The following SHLD2 variants were observed in gnomAD, a reference collection of about 807,000 sequenced individuals.
SHLD2 encodes the protein RINN1-REV7-interacting novel NHEJ regulator 2.
In SHLD2, 30 loss-of-function variants were observed where a neutral mutation model predicts 73.2. The ratio of observed to expected loss-of-function variants is 0.41; its 90% confidence interval spans 0.31 to 0.56. The LOEUF is 0.56. Among genes scored for constraint, SHLD2 ranks in the 20% least tolerant of loss-of-function variants. The pLI, the probability that SHLD2 is intolerant of heterozygous loss-of-function variation, is 0.28. For synonymous variants in SHLD2, 285 were observed against 370.1 expected, an observed-to-expected ratio of 0.77 and a Z score of 2.64; for missense variants, 745 against 1,055.9, an observed-to-expected ratio of 0.71 and a Z score of 4.08.
intron 4 of SHLD2, among the ~76,000 whole-genome samples, chr10:87,167,225 A>G (rs977484969): frequency 1.3e-5 from 2 of 152,208 alleles, no homozygotes; most frequent in Non-Finnish European, 2.9e-5. Context: ...TGAATCCCCT[A>G]GAGAGTTTCA....
At position 87,175,983 on chromosome 10, in the gene SHLD2, C is replaced by T; in HGVS notation, c.2058C>T (p.Cys686=). 4 of 1,550,060 alleles carry T rather than the reference C, an allele frequency of 2.6e-6. No homozygotes were observed. Among genetic ancestry groups the T allele is most frequent in the Non-Finnish European group, 3.5e-6 (4 of 1,146,858 alleles). The stretch of plus-strand genomic sequence containing the variant: ...CAACGCCTTGGTCATCCTGTGAGTG[C>T]TTGTTTGATGATGATATAAGGGCAA... ...LHTTPWSSCE[C]LFDDDIRAIT... The change falls in exon 7 of 10, where the codon TGC becomes TGT. Residue 686 remains cysteine (C), a synonymous_variant. Coordinates refer to ENST00000298786, the MANE Select transcript of SHLD2 (RefSeq NM_001330112.2).
rs1849008860 is a variant in SHLD2, at chr10:87,190,586, T to C, written c.2618T>C (p.Phe873Ser). 1.2e-6 allele frequency: 2 copies of C among 1,611,986 alleles called. No homozygotes were observed. The highest frequency in any genetic ancestry group is 1.7e-6 in the Non-Finnish European group (2 of 1,179,828). ...EPCVLKIQSL[F>S]VLDENSYPLQ... ...TGTGTATTAAAGATTCAGAGCCTTT[T>C]TGTGTTAGATGAAAACAGCTATCCA... is the stretch of plus-strand genomic sequence containing the variant. Residue 873 changes from phenylalanine to serine, a missense_variant, in exon 10 of 10, where the codon TTT (phenylalanine) becomes TCT (serine). Around this residue, in one of 5 missense-constraint regions of SHLD2, gnomAD observed 418 missense variants for 567.8 expected, o/e 0.74. Transcript: ENST00000298786.
At chr10:87,112,729 C>T (rs1437096418) in intron 2 of SHLD2, among the ~76,000 whole-genome samples, 1 of 144,968 alleles carries the variant, frequency 6.9e-6, no homozygotes, top group East Asian at 2.0e-4. Context: ...AAAAAAAAAA[C>T]CCAAAAAACA....
At chr10:87,100,799 A>C (rs1468765502) in intron 2 of SHLD2, among the ~76,000 whole-genome samples, 1 of 152,108 alleles carries the variant, frequency 6.6e-6, no homozygotes, top group Non-Finnish European at 1.5e-5. Flanking sequence ...CTTTGTAGTA[A>C]ATTTTGAAAT....
At chr10:87,098,936 C>A (rs947609901) in intron 2 of SHLD2, among the ~76,000 whole-genome samples, 3 of 152,082 alleles carry the variant, frequency 2.0e-5, no homozygotes, top group Non-Finnish European at 2.9e-5. Flanking sequence ...CCGCCACTCC[C>A]GGCTAACTTT....
chr10:87,135,807 T>C (rs1019827661), intron 2 of SHLD2, among the ~76,000 whole-genome samples: 1 of 151,982 alleles, frequency 6.6e-6, no homozygotes, highest in Non-Finnish European at 1.5e-5. Flanking sequence ...GGCAGTACCA[T>C]TTTCATCACA....
At position 87,110,942 on chromosome 10, in the gene SHLD2, C is replaced by T. The variant is rs375427673; in HGVS notation, c.-6+13953C>T. The stretch of plus-strand genomic sequence containing the variant: ...CACTGCAACCTCTGCCTCCCGGGTT[C>T]AAGCGATTCTCCTGCCTCAGTCTCC... On this transcript the variant is annotated intron_variant, in intron 2 of 9. Transcript: ENST00000298786. Among the ~76,000 whole-genome samples the T allele has an allele frequency of 5.9e-5, 9 of 151,292 alleles. No homozygotes were observed. In the South Asian group the frequency reaches 1.0e-3, roughly 18 times the overall value.
Position 87,187,160 on chromosome 10 carries a change from T to G in SHLD2, c.2475T>G (p.Ile825Met). Reference sequence around the variant, plus strand: ...TAGAATCAAAGCTGATAGAGAAGATTCTTCTCAACATTTCTGCAGACTGCC... The same window carrying G: ...TAGAATCAAAGCTGATAGAGAAGATGCTTCTCAACATTTCTGCAGACTGCC... ...IRVESKLIEK[I>M]LLNISADCLN... The change falls in exon 9 of 10, where the codon ATT (isoleucine) becomes ATG (methionine). Residue 825 changes from isoleucine to methionine, a missense_variant. Ile to Met is a conservative substitution (Grantham distance 10). Coordinates refer to ENST00000298786, the MANE Select transcript of SHLD2 (RefSeq NM_001330112.2). 1 of 1,613,066 alleles carries G rather than the reference T, an allele frequency of 6.2e-7. No individual in the cohort carries two copies. The highest frequency in any genetic ancestry group is 1.3e-5 in the African/African-American group (1 of 75,010).
At chr10:87,155,833 T>C (rs1052603870) in intron 3 of SHLD2, among the ~76,000 whole-genome samples, 1 of 152,212 alleles carries the variant, frequency 6.6e-6, no homozygotes, top group African/African-American at 2.4e-5. Context: ...ATAAGACATT[T>C]AGATGATTTC....
chr10:87,175,642 T>C (rs1054746769), intron 6 of SHLD2, among the ~76,000 whole-genome samples: 7 of 151,680 alleles, frequency 4.6e-5, no homozygotes, highest in African/African-American at 1.7e-4. Flanking sequence ...CGAGATCACA[T>C]CACTGCTCTC....
At position 87,176,075 on chromosome 10, in the gene SHLD2, A is replaced by G; in HGVS notation, c.2150A>G (p.His717Arg). The G allele has an allele frequency of 6.5e-7, 1 of 1,548,366 alleles. No individual in the cohort carries two copies. The highest frequency in any genetic ancestry group is 8.7e-7 in the Non-Finnish European group (1 of 1,146,814). ...SFVKISDLAT[H>R]LEDKCSGVVL... Reference sequence around the variant, plus strand: ...GTGAAGATATCAGACTTAGCAACCCACCTAGAGGATAAGTGTTCAGGTAAG... The same window carrying G: ...GTGAAGATATCAGACTTAGCAACCCGCCTAGAGGATAAGTGTTCAGGTAAG... The change falls in exon 7 of 10, where the codon CAC becomes CGC. Residue 717 changes from histidine to arginine, a missense_variant. Around this residue, in one of 5 missense-constraint regions of SHLD2, gnomAD observed 418 missense variants for 567.8 expected, o/e 0.74. Transcript: ENST00000298786.
chr10:87,158,047 G>C lies in SHLD2; in HGVS notation c.1526-1G>C, dbSNP rs1846557815. 1 of 1,610,796 alleles carries C rather than the reference G, an allele frequency of 6.2e-7. No individual in the cohort carries two copies. The highest frequency in any genetic ancestry group is 8.5e-7 in the Non-Finnish European group (1 of 1,179,182). ...GATCAGAACGTTTTTTCTCTCTCTA[G>C]ATGTTGTTATTCATGAGGACCAATG... On this transcript the variant is annotated splice_acceptor_variant, in intron 3 of 9. Coordinates refer to ENST00000298786, the MANE Select transcript of SHLD2 (RefSeq NM_001330112.2). LOFTEE classifies it high-confidence loss of function.
At chr10:87,182,463 A>G (rs1469648655) in intron 8 of SHLD2, among the ~76,000 whole-genome samples, 1 of 152,228 alleles carries the variant, frequency 6.6e-6, no homozygotes, top group East Asian at 1.9e-4. Flanking sequence ...AATGGAAGCA[A>G]CATTAGATAT....
Position 87,187,049 on chromosome 10 carries a change from C to A in SHLD2, c.2400-36C>A, listed in dbSNP as rs2134767569. 3.8e-6 allele frequency: 5 copies of A among 1,309,616 alleles called. No homozygotes were observed. In the East Asian group the frequency reaches 1.2e-4, roughly 30 times the overall value. 81.1% of individuals were successfully genotyped at this position (1,309,616 alleles called of 1,614,324 possible). A position where few individuals can be genotyped will look rare whatever the true frequency, so the allele number is the denominator to read the frequency against. On this transcript the variant is annotated intron_variant, in intron 8 of 9. Coordinates refer to ENST00000298786, the MANE Select transcript of SHLD2 (RefSeq NM_001330112.2). ...TTAAGCATTTCTTTTATCTGAAAAT[C>A]TTTTTGAAGGTCGTGTGTTGTTTAC... is the stretch of plus-strand genomic sequence containing the variant.
chr10:87,094,554 G>A (rs373219196), upstream of SHLD2: 11 of 1,612,258 alleles, frequency 6.8e-6, no homozygotes, highest in Non-Finnish European at 7.6e-6. This position sits in a 1 kb window ranked among gnomAD's most constrained non-coding sequence, Gnocchi z 6.6. Context: ...GATCGAAGAA[G>A]CCCTCCACCA....
intron 4 of SHLD2, 25 bp downstream of exon 4, chr10:87,158,180 A>T: frequency 6.2e-7 from 1 of 1,604,568 alleles, no homozygotes; most frequent in Non-Finnish European, 8.5e-7. Flanking sequence ...AAATGAAGTA[A>T]TGTAGTAGTG....
Position 87,187,018 on chromosome 10 carries a change from T to C in SHLD2, c.2400-67T>C, listed in dbSNP as rs1052103998. ...AAACCAAGTGCTTTTTGGAATTATT[T>C]TTCATTTAAGCATTTCTTTTATCTG... On this transcript the variant is annotated intron_variant, in intron 8 of 9. Coordinates refer to ENST00000298786, the MANE Select transcript of SHLD2 (RefSeq NM_001330112.2). 5.8e-6 allele frequency: 6 copies of C among 1,042,902 alleles called. No individual in the cohort carries two copies. The African/African-American group carries it at 9.6e-5, about 17-fold the overall frequency. 64.6% of individuals were successfully genotyped at this position (1,042,902 alleles called of 1,614,324 possible).
Position 87,095,261 on chromosome 10 carries a change from CG to C in SHLD2, c.-62+18del, listed in dbSNP as rs936769558. ...GCGGGGCTCTCAGGTATGTGCGCCG[CG>C]GGGGTCCCTCAGGGGGGTTGGGGGT... On this transcript the variant is annotated intron_variant, in intron 1 of 9. Transcript: ENST00000298786. 36 of 65,810 alleles carry C rather than the reference CG, an allele frequency of 5.5e-4. No homozygotes were observed. The highest frequency in any genetic ancestry group is 2.1e-3 in the African/African-American group (35 of 16,580). The allele number at this position is 65,810 out of a possible 1,614,324, so 4.1% of individuals were successfully genotyped here. A position where few individuals can be genotyped will look rare whatever the true frequency, so the allele number is the denominator to read the frequency against.
In SHLD2 at chr10:87,152,175, C is replaced by T; in HGVS notation, c.821C>T (p.Thr274Ile). The change falls in exon 3 of 10, where the codon ACT (threonine) becomes ATT (isoleucine). Residue 274 changes from threonine (T) to isoleucine (I), a missense_variant. Around this residue, in one of 5 missense-constraint regions of SHLD2, gnomAD observed 280 missense variants for 353.9 expected, o/e 0.79. Transcript: ENST00000298786. ...PVNKGNVNME[T>I]EPKASYGEIR... ...AATAAAGGGAATGTAAACATGGAGACTGAACCAAAGGCAAGTTACGGGGAG... is the reference window on the plus strand; with the variant it reads ...AATAAAGGGAATGTAAACATGGAGATTGAACCAAAGGCAAGTTACGGGGAG... 5.0e-6 allele frequency: 8 copies of T among 1,604,698 alleles called. No homozygotes were observed. The highest frequency in any genetic ancestry group is 6.8e-6 in the Non-Finnish European group (8 of 1,175,236).
Sources: allele counts gnomAD v4.1 joint callset (sites outside exome capture counted in the v4.1 genomes callset), GRCh38; gene constraint gnomAD v4.1.1; regional missense constraint gnomAD v4.1.1; non-coding constraint Gnocchi (gnomAD v3.1); transcripts MANE v1.5; gene names NCBI Gene and HGNC (gene_info 2026-07-23, HGNC 2026-07-21).